The following NUP205 variants were observed in gnomAD, a reference collection of about 807,000 sequenced individuals.
NUP205 encodes the protein nuclear pore complex protein Nup205.
A neutral mutation model predicts 253.8 loss-of-function variants in NUP205; 76 were observed. The observed-to-expected ratio is 0.30, with a 90% confidence interval of 0.25 to 0.36. The LOEUF (loss-of-function observed/expected upper bound fraction) is 0.36. Among genes scored for constraint, NUP205 ranks in the 10% least tolerant of loss-of-function variants. The probability of loss-of-function intolerance (pLI) is 1.00; values close to 1 mark genes in which losing one functional copy is unlikely to be tolerated. For missense variants in NUP205, 2,162 were observed against 2,425.5 expected, an observed-to-expected ratio of 0.89 and a Z score of 2.28; for synonymous variants, 832 against 850.1, an observed-to-expected ratio of 0.98 and a Z score of 0.37.
At chr7:135,626,107 A>T in intron 32 of NUP205, 133 bp from the exon 33 acceptor site, 1 of 1,054,840 alleles carries the variant, frequency 9.5e-7, no homozygotes, top group Non-Finnish European at 1.4e-6. Flanking sequence ...GGTATAATGT[A>T]ACCTGTCACT....
At position 135,577,940 on chromosome 7, in the gene NUP205, G is replaced by A; in HGVS notation, c.793G>A (p.Asp265Asn). The A allele has an allele frequency of 6.2e-7, 1 of 1,613,746 alleles. No homozygotes were observed. ...GACAGTTGAGGCTAATGGCTCACTG[G>A]ATGCAGTGAATCTGGCTCTTCTTAT... ...RVTVEANGSLDAVNLALLMAL... is the reference protein window; with the variant it reads ...RVTVEANGSLNAVNLALLMAL... The change falls in exon 6 of 43, where the codon GAT becomes AAT. Residue 265 changes from aspartate (D) to asparagine (N), a missense_variant. Transcript: ENST00000285968.
chr7:135,638,433 G>C, intron 37 of NUP205, 124 bp from the exon 38 acceptor site: 1 of 456,566 alleles, frequency 2.2e-6, no homozygotes, highest in Non-Finnish European at 3.6e-6. Flanking sequence ...AAAAAAAAAA[G>C]AATACACAGA....
intron 42 of NUP205, 84 bp downstream of exon 42, chr7:135,646,315 C>T: frequency 9.8e-7 from 1 of 1,017,318 alleles, no homozygotes; most frequent in Non-Finnish European, 1.5e-6. Context: ...GTAATCCCAG[C>T]ATTTTGGGAG....
At chr7:135,607,682 T>C (rs143193231) in intron 22 of NUP205, among the ~76,000 whole-genome samples, 128 of 152,374 alleles carry the variant, frequency 8.4e-4, no homozygotes, top group African/African-American at 3.0e-3. Context: ...AGAAGACCTC[T>C]GGTTCCCATC....
At chr7:135,558,079 G>T (rs765325434) in intron 1 of NUP205, 107 bp downstream of exon 1, 1 of 950,128 alleles carries the variant, frequency 1.1e-6, no homozygotes, top group Non-Finnish European at 1.7e-6. Flanking sequence ...CTTATGTGCG[G>T]TGCCTGCTTT....
intron 12 of NUP205, among the ~76,000 whole-genome samples, 178 bp from the exon 13 acceptor site, chr7:135,594,369 T>G (rs1158110997): frequency 6.6e-6 from 1 of 152,170 alleles, no homozygotes; most frequent in Non-Finnish European, 1.5e-5. Context: ...TTCGAATAAA[T>G]GAGTGATCTG....
intron 24 of NUP205, 58 bp downstream of exon 24, chr7:135,616,123 A>T: frequency 6.7e-7 from 1 of 1,491,890 alleles, no homozygotes; most frequent in Non-Finnish European, 9.2e-7. Flanking sequence ...AGACAAGCAC[A>T]AATCTGAAGC....
chr7:135,601,235 G>A (rs1793959361), intron 16 of NUP205, 135 bp from the exon 17 acceptor site: 1 of 774,746 alleles, frequency 1.3e-6, no homozygotes, highest in African/African-American at 1.7e-5. Flanking sequence ...AATTACTGCT[G>A]TGTCTCTAAA....
intron 31 of NUP205, 134 bp downstream of exon 31, chr7:135,623,059 C>G: frequency 1.2e-6 from 1 of 811,464 alleles, no homozygotes. Flanking sequence ...GGGTGGATTT[C>G]TTGAGTATAG....
At chr7:135,573,094 G>A (rs960839160) in intron 2 of NUP205, among the ~76,000 whole-genome samples, 6 of 151,870 alleles carry the variant, frequency 4.0e-5, no homozygotes, top group Non-Finnish European at 5.9e-5. Flanking sequence ...GCTGGATGTC[G>A]GTTTTTCTGT....
Position 135,573,790 on chromosome 7 carries a change from T to C in NUP205, c.308T>C (p.Ile103Thr), listed in dbSNP as rs1240229589. 6.2e-7 allele frequency: 1 copy of C among 1,613,362 alleles called. No homozygotes were observed. Reference protein sequence around the residue: ...EAFILSDLFDIGELAAVELLL... With the variant: ...EAFILSDLFDTGELAAVELLL... ...TTTATTCTCAGTGACCTTTTTGATA[T>C]TGGAGAATTGGCAGCTGTTGAGCTT... The change falls in exon 3 of 43, where the codon ATT (isoleucine) becomes ACT (threonine). Residue 103 changes from isoleucine to threonine, a missense_variant. Transcript: ENST00000285968.
At chr7:135,603,567 TGGTACAATC>T (rs1289259834) in intron 18 of NUP205, among the ~76,000 whole-genome samples, 2 of 151,478 alleles carry the variant, frequency 1.3e-5, no homozygotes, top group East Asian at 3.9e-4. Flanking sequence ...TGGAGTGCGG[TGGTACAATC>T]TTGGCTCACT....
rs191299894 is a variant in NUP205, at chr7:135,599,036, T to G, written c.2274+829T>G. On this transcript the variant is annotated intron_variant, in intron 15 of 42. Transcript: ENST00000285968. ...AGTTGGCGCAGATCAAGACTCCATC[T>G]GAAAAAAACAAGTGTATATATATAT... 8.5e-5 allele frequency: 13 copies of G among 152,278 alleles called. No individual in the cohort carries two copies. In the East Asian group the frequency reaches 2.5e-3, roughly 29 times the overall value. The allele number at this position is 152,278 out of a possible 1,614,324, so 9.4% of individuals were successfully genotyped here.
chr7:135,571,268 G>GT (rs763906335), intron 2 of NUP205, 21 bp downstream of exon 2: 9 of 1,337,198 alleles, frequency 6.7e-6, no homozygotes, highest in East Asian at 5.8e-5. Context: ...TTCTTTTTCA[G>GT]TTTTTTTGGG....
intron 35 of NUP205, among the ~76,000 whole-genome samples, chr7:135,632,881 T>C (rs1288211954): frequency 2.0e-5 from 3 of 152,148 alleles, no homozygotes; most frequent in African/African-American, 4.8e-5. Flanking sequence ...CACATACAGC[T>C]CCTGCCCATC....
intron 30 of NUP205, among the ~76,000 whole-genome samples, chr7:135,621,277 A>C (rs1794465004): frequency 6.6e-6 from 1 of 152,256 alleles, no homozygotes; most frequent in African/African-American, 2.4e-5. Context: ...GATGAGGAAA[A>C]ATAACAGAAT....
At chr7:135,612,681 A>C (rs1318337382) in intron 22 of NUP205, among the ~76,000 whole-genome samples, 1 of 152,216 alleles carries the variant, frequency 6.6e-6, no homozygotes, top group Admixed American at 6.5e-5. Flanking sequence ...TCTCCCGCGC[A>C]TGAAGGACCA....
chr7:135,607,629 T>G (rs1794116298), intron 22 of NUP205, among the ~76,000 whole-genome samples: 1 of 152,158 alleles, frequency 6.6e-6, no homozygotes, highest in Admixed American at 6.5e-5. Context: ...GTGTAGAAAC[T>G]TTCCAACAGT....
At position 135,622,785 on chromosome 7, in the gene NUP205, A is replaced by G. The variant is rs1476231143; in HGVS notation, c.4339A>G (p.Thr1447Ala). 6 of 1,613,524 alleles carry G rather than the reference A, an allele frequency of 3.7e-6. No homozygotes were observed. The highest frequency in any genetic ancestry group is 4.2e-6 in the Non-Finnish European group (5 of 1,179,916). ...EPDTLEAAKK[T>A]MWERLTAPED... ...TGTTTTAATCCTTTTAGCCAAGAAAACCATGTGGGAAAGGCTGACAGCCCC... is the reference window on the plus strand; with the variant it reads ...TGTTTTAATCCTTTTAGCCAAGAAAGCCATGTGGGAAAGGCTGACAGCCCC... Residue 1447 changes from threonine (T) to alanine (A), a missense_variant, in exon 31 of 43, where the codon ACC becomes GCC. Around this residue, in one of 5 missense-constraint regions of NUP205, gnomAD observed 1,144 missense variants for 1,280.9 expected, o/e 0.89. Coordinates refer to ENST00000285968, the MANE Select transcript of NUP205 (RefSeq NM_015135.3).
Sources: gnomAD v4.1 joint callset for allele counts (sites outside exome capture counted in the v4.1 genomes callset) on GRCh38, gnomAD v4.1.1 for gene constraint, gnomAD v4.1.1 regional missense constraint, MANE v1.5 for transcripts, NCBI Gene and HGNC (gene_info 2026-07-23, HGNC 2026-07-21) for gene names.